CACNB4: variants seen among roughly 807,000 people sequenced by gnomAD.
CACNB4 encodes the protein voltage-dependent L-type calcium channel subunit beta-4.
A neutral mutation model predicts 71.2 loss-of-function variants in CACNB4; 32 were observed. The observed-to-expected ratio is 0.45, with a 90% CI of 0.34 to 0.60. The LOEUF (loss-of-function observed/expected upper bound fraction) is 0.60, where lower values mean the gene tolerates loss of function less well. Ranked by LOEUF, CACNB4 falls within the 20% of genes least tolerant of loss-of-function variation. CACNB4 has a pLI of 0.01. For missense variants in CACNB4, 464 were observed against 647.9 expected, an observed-to-expected ratio of 0.72 and a Z score of 3.08; for synonymous variants, 231 against 236.9, an observed-to-expected ratio of 0.97 and a Z score of 0.23.
At chr2:152,059,438 A>G (rs1031216781) in intron 2 of CACNB4, among the ~76,000 whole-genome samples, 1 of 152,250 alleles carries the variant, frequency 6.6e-6, no homozygotes, top group African/African-American at 2.4e-5. Flanking sequence ...GATGTGAAAC[A>G]TGAAGTCAAA....
chr2:151,919,850 AAAC>A (rs369127085), intron 2 of CACNB4, among the ~76,000 whole-genome samples: 130 of 152,188 alleles, frequency 8.5e-4, no homozygotes, highest in African/African-American at 2.7e-3. Flanking sequence ...ACAAACAAAC[AAAC>A]AACAACAACA....
chr2:152,071,899 A>T (rs1686714433), intron 2 of CACNB4, among the ~76,000 whole-genome samples: 1 of 152,258 alleles, frequency 6.6e-6, no homozygotes, highest in South Asian at 2.1e-4. Flanking sequence ...ACATCAATGT[A>T]AACCACTCCT....
intron 2 of CACNB4, among the ~76,000 whole-genome samples, chr2:151,901,414 G>A (rs536253195): frequency 3.2e-4 from 49 of 152,194 alleles, no homozygotes; most frequent in African/African-American, 1.2e-3. Context: ...GTAGAGGTGG[G>A]GAGGTTTTTA....
At chr2:152,070,142 C>G (rs1686602648) in intron 2 of CACNB4, among the ~76,000 whole-genome samples, 1 of 152,126 alleles carries the variant, frequency 6.6e-6, no homozygotes, top group African/African-American at 2.4e-5. Flanking sequence ...CACGCCTGGC[C>G]AACTTCATCA....
intron 2 of CACNB4, among the ~76,000 whole-genome samples, chr2:152,046,893 G>C (rs1257755686): frequency 6.6e-6 from 1 of 152,092 alleles, no homozygotes; most frequent in Non-Finnish European, 1.5e-5. Context: ...GACTATCCTG[G>C]GCTATGAGCA....
chr2:151,889,096 G>A (rs770890424), intron 2 of CACNB4, among the ~76,000 whole-genome samples: 6 of 152,198 alleles, frequency 3.9e-5, no homozygotes, highest in Non-Finnish European at 8.8e-5. Flanking sequence ...GGGCTGTGCG[G>A]TAGTAGACAT....
At chr2:152,057,654 G>A (rs1385060675) in intron 2 of CACNB4, among the ~76,000 whole-genome samples, 3 of 151,926 alleles carry the variant, frequency 2.0e-5, no homozygotes, top group Non-Finnish European at 4.4e-5. Flanking sequence ...ACCCATTTCA[G>A]GTTTTAAAAT....
intron 2 of CACNB4, among the ~76,000 whole-genome samples, chr2:151,962,575 C>T (rs964493183): frequency 6.6e-6 from 1 of 152,228 alleles, no homozygotes; most frequent in South Asian, 2.1e-4. Flanking sequence ...TTCGGATGCT[C>T]ATGGCTAAGG....
At chr2:152,075,060 T>C (rs1244858597) in intron 2 of CACNB4, among the ~76,000 whole-genome samples, 1 of 152,208 alleles carries the variant, frequency 6.6e-6, no homozygotes, top group Non-Finnish European at 1.5e-5. Flanking sequence ...GCCACCACCC[T>C]GCTTGAAAAG....
intron 2 of CACNB4, among the ~76,000 whole-genome samples, chr2:152,093,368 C>T (rs1381654559): frequency 6.6e-6 from 1 of 150,784 alleles, no homozygotes; most frequent in Admixed American, 6.6e-5. Context: ...CCTGTTTATA[C>T]TATTGGCACT....
rs1688104394 is a variant in CACNB4, at chr2:152,093,580, G to C, written c.147+4750C>G. ...GTGATACAGTGTAGCTTTCAAAACT[G>C]GGTCTTAGGAGAGCTGTGGCTTCAG... On this transcript the variant is annotated intron_variant, in intron 2 of 13. Transcript: ENST00000539935. Among the ~76,000 whole-genome samples the C allele has an allele frequency of 2.0e-5, 3 of 152,160 alleles. No individual in the cohort carries two copies. In the South Asian group the frequency reaches 6.2e-4, roughly 31 times the overall value.
At position 151,927,717 on chromosome 2, in the gene CACNB4, A is replaced by G. The variant is rs537594863; in HGVS notation, c.148-44347T>C. Among the ~76,000 whole-genome samples, 3 of 152,376 alleles carry G rather than the reference A, an allele frequency of 2.0e-5. No individual in the cohort carries two copies. In the East Asian group the frequency reaches 5.8e-4, roughly 29 times the overall value. ...CTTCACCCAAGTCTTATCCAGCTGCAGCAACGCAGGTGCTGAGTAGGTGGA... is the reference window on the plus strand; with the variant it reads ...CTTCACCCAAGTCTTATCCAGCTGCGGCAACGCAGGTGCTGAGTAGGTGGA... On this transcript the variant is annotated intron_variant, in intron 2 of 13. Coordinates refer to ENST00000539935, the MANE Select transcript of CACNB4 (RefSeq NM_000726.5).
At chr2:151,870,360 A>C (rs774035491) in intron 8 of CACNB4, 171 bp downstream of exon 8, 13 of 707,906 alleles carry the variant, frequency 1.8e-5, no homozygotes, top group Non-Finnish European at 3.1e-5. Flanking sequence ...AAGAGAGGAA[A>C]GAAAGGGCAG....
At chr2:152,021,954 T>C (rs775034502) in intron 2 of CACNB4, among the ~76,000 whole-genome samples, 2 of 152,254 alleles carry the variant, frequency 1.3e-5, no homozygotes, top group Non-Finnish European at 2.9e-5. Flanking sequence ...CAAGGCTATA[T>C]ACATTCAAGA....
chr2:152,093,824 G>C (rs529850507), intron 2 of CACNB4, among the ~76,000 whole-genome samples: 1 of 152,350 alleles, frequency 6.6e-6, no homozygotes, highest in East Asian at 1.9e-4. Flanking sequence ...TGTCTGGTTA[G>C]TACACAGAAA....
At chr2:151,995,572 G>A (rs1170565378) in intron 2 of CACNB4, among the ~76,000 whole-genome samples, 2 of 152,220 alleles carry the variant, frequency 1.3e-5, no homozygotes, top group Non-Finnish European at 2.9e-5. Flanking sequence ...AGCCTGGCAT[G>A]GTGGCGGGCA....
At position 151,860,788 on chromosome 2, in the gene CACNB4, G is replaced by C; in HGVS notation, c.791C>G (p.Ser264Cys). 2 of 1,613,372 alleles carry C rather than the reference G, an allele frequency of 1.2e-6. No homozygotes were observed. The highest frequency in any genetic ancestry group is 1.7e-6 in the Non-Finnish European group (2 of 1,179,344). ...ATTTAGGACAGACCTCTTAGCAAGA[G>C]AAATGTCAGCTGTCACTCTCGTTAT... ...ISITRVTADI[S>C]LAKRSVLNNP... is the part of the protein sequence containing the mutation. The change falls in exon 10 of 14, where the codon TCT becomes TGT. Residue 264 changes from serine (S) to cysteine (C), a missense_variant. Coordinates refer to ENST00000539935, the MANE Select transcript of CACNB4 (RefSeq NM_000726.5).
intron 2 of CACNB4, among the ~76,000 whole-genome samples, chr2:151,952,104 G>A (rs568595674): frequency 6.6e-6 from 1 of 152,090 alleles, no homozygotes; most frequent in East Asian, 1.9e-4. Flanking sequence ...CACCATCTAG[G>A]GTATTCAGAA....
At chr2:151,932,012 T>C (rs2099861765) in intron 2 of CACNB4, among the ~76,000 whole-genome samples, 1 of 152,082 alleles carries the variant, frequency 6.6e-6, no homozygotes, top group Non-Finnish European at 1.5e-5. Flanking sequence ...TATTTGCACA[T>C]GATTGAGCAT....
Sources: gnomAD v4.1 joint callset for allele counts (sites outside exome capture counted in the v4.1 genomes callset) on GRCh38, gnomAD v4.1.1 for gene constraint, MANE v1.5 for transcripts, NCBI Gene and HGNC (gene_info 2026-07-23, HGNC 2026-07-21) for gene names.